SLC8B1: variants seen among roughly 807,000 people sequenced by gnomAD.
SLC8B1 encodes mitochondrial sodium/calcium exchanger protein.
Under a neutral mutation model 63.4 loss-of-function variants are expected in SLC8B1, and 52 were observed. The ratio of observed to expected loss-of-function variants is 0.82; its 90% CI spans 0.66 to 1.03. The LOEUF (loss-of-function observed/expected upper bound fraction) is 1.03, where lower values mean the gene tolerates loss of function less well. Ranked by LOEUF, SLC8B1 falls within the 50% of genes least tolerant of loss-of-function variation. The pLI is 0.00. For missense variants in SLC8B1, 657 were observed against 741.7 expected, an observed-to-expected ratio of 0.89 and a Z score of 1.33; for synonymous variants, 336 against 323.9, an observed-to-expected ratio of 1.04 and a Z score of -0.40.
At chr12:113,329,752 G>C (rs941152094) in intron 2 of SLC8B1, among the ~76,000 whole-genome samples, 16 of 152,176 alleles carry the variant, frequency 1.1e-4, no homozygotes, top group African/African-American at 3.9e-4. Context: ...GGACAGGAAA[G>C]GGTAACCAAC....
rs749226566 is a variant in SLC8B1, at chr12:113,299,903, G to A, written c.1629C>T (p.Val543=). Residue 543 remains valine (V), a synonymous_variant, in exon 16 of 16, where the codon GTC becomes GTT. Coordinates refer to ENST00000680972, the MANE Select transcript of SLC8B1 (RefSeq NM_001358345.2). ...ALGLSLVFSL[V]SVPLQCFQLS... ...GCTGGAAGCACTGCAATGGGACTGA[G>A]ACCAGGGAGAAGACGAGGCTGAGCC... 1.2e-6 allele frequency: 2 copies of A among 1,614,226 alleles called. No homozygotes were observed. Among genetic ancestry groups the A allele is most frequent in the South Asian group, 2.2e-5 (2 of 91,086 alleles).
intron 15 of SLC8B1, among the ~76,000 whole-genome samples, chr12:113,300,876 C>T (rs1023846855): frequency 6.6e-6 from 1 of 152,226 alleles, no homozygotes; most frequent in South Asian, 2.1e-4. Context: ...TGGCTCAGGC[C>T]TGTAATCCCA....
rs774023676 is a variant in SLC8B1, at chr12:113,307,848, C to A, written c.1258-4G>T. On this transcript the variant is annotated splice_polypyrimidine_tract_variant and splice_region_variant and intron_variant, in intron 12 of 15. Transcript: ENST00000680972. ...GAAAGCCCAGGAAAGCAAAGAGCTG[C>A]GGAGGGAATGGTTTGCTGTGGGACC... is the stretch of plus-strand genomic sequence containing the variant. 4 of 1,611,064 alleles carry A rather than the reference C, an allele frequency of 2.5e-6. No homozygotes were observed. Among genetic ancestry groups the A allele is most frequent in the Middle Eastern group, 1.7e-4 (1 of 6,060 alleles).
chr12:113,332,035 C>A (rs1957062455), intron 2 of SLC8B1, among the ~76,000 whole-genome samples: 2 of 152,162 alleles, frequency 1.3e-5, no homozygotes, highest in Admixed American at 1.3e-4. Context: ...CTTGTTCCTG[C>A]TCCAGAATCT....
At chr12:113,317,109 T>A in intron 8 of SLC8B1, 108 bp from the exon 9 acceptor site, 1 of 945,216 alleles carries the variant, frequency 1.1e-6, no homozygotes. Context: ...CTTATTTACT[T>A]AGTTATTTGG....
chr12:113,307,745 G>T lies in SLC8B1; in HGVS notation c.1357C>A (p.Leu453Met). The change falls in exon 13 of 16, where the codon CTG (leucine) becomes ATG (methionine). Residue 453 changes from leucine (L) to methionine (M), a missense_variant. By Grantham distance (15) the Leu-to-Met change is conservative (BLOSUM62 2). Transcript: ENST00000680972. ...ILRSLGVVFRLSNTVLGLTLL... is the reference protein window; with the variant it reads ...ILRSLGVVFRMSNTVLGLTLL... Reference sequence around the variant, plus strand: ...GTGAGCCCCAGCACAGTGTTGCTCAGCCGGAAGACCACACCCAGGGACCGC... The same window carrying T: ...GTGAGCCCCAGCACAGTGTTGCTCATCCGGAAGACCACACCCAGGGACCGC... The T allele has an allele frequency of 6.2e-7, 1 of 1,614,018 alleles. No homozygotes were observed. Among genetic ancestry groups the T allele is most frequent in the Non-Finnish European group, 8.5e-7 (1 of 1,180,032 alleles).
At chr12:113,333,936 T>A (rs966225097) in intron 1 of SLC8B1, among the ~76,000 whole-genome samples, 3 of 152,206 alleles carry the variant, frequency 2.0e-5, no homozygotes, top group Non-Finnish European at 2.9e-5. Context: ...CTGGAACTCC[T>A]AGCCTCAAGT....
At position 113,320,744 on chromosome 12, in the gene SLC8B1, G is replaced by A. The variant is rs936715142; in HGVS notation, c.421-58C>T. ...GCAGCTGCAGCCCACCCAGGCCTTC[G>A]ACCCTATCCCCCAGCTTCCCCACAC... On this transcript the variant is annotated intron_variant, in intron 5 of 15. Transcript: ENST00000680972. This position sits in a 1 kb window ranked among gnomAD's most constrained non-coding sequence, Gnocchi z 5.3. 2.5e-5 allele frequency: 40 copies of A among 1,585,300 alleles called. No individual in the cohort carries two copies. Among genetic ancestry groups the A allele is most frequent in the Middle Eastern group, 3.3e-4 (2 of 6,046 alleles).
intron 15 of SLC8B1, among the ~76,000 whole-genome samples, chr12:113,303,432 T>C (rs1343523243): frequency 6.6e-6 from 1 of 152,070 alleles, no homozygotes; most frequent in Non-Finnish European, 1.5e-5. Context: ...CGGGTGACTT[T>C]ATTCAGCTTC....
chr12:113,307,354 G>A (rs1367984133), intron 13 of SLC8B1, among the ~76,000 whole-genome samples: 1 of 152,068 alleles, frequency 6.6e-6, no homozygotes, highest in East Asian at 1.9e-4. Flanking sequence ...GTGTATGTAT[G>A]TAAGTGTGAA....
At chr12:113,317,055 A>G in intron 8 of SLC8B1, 54 bp from the exon 9 acceptor site, 1 of 1,513,540 alleles carries the variant, frequency 6.6e-7, no homozygotes, top group African/African-American at 1.4e-5. Flanking sequence ...TCGAGGGGGC[A>G]CACTGGGACA....
chr12:113,302,970 G>A (rs1262546368), intron 15 of SLC8B1, among the ~76,000 whole-genome samples: 1 of 151,966 alleles, frequency 6.6e-6, no homozygotes, highest in Non-Finnish European at 1.5e-5. Context: ...AACGGCAGGA[G>A]CGTTTCCTAA....
chr12:113,322,676 G>A (rs1463281986), intron 2 of SLC8B1, among the ~76,000 whole-genome samples: 2 of 152,164 alleles, frequency 1.3e-5, no homozygotes, highest in Non-Finnish European at 2.9e-5. Context: ...CCCGGGTGTG[G>A]TGGCTCACGC....
chr12:113,299,909 G>C lies in SLC8B1; in HGVS notation c.1623C>G (p.Ser541=). 6.2e-7 allele frequency: 1 copy of C among 1,614,214 alleles called. No homozygotes were observed. Among genetic ancestry groups the C allele is most frequent in the Non-Finnish European group, 8.5e-7 (1 of 1,180,048 alleles). Residue 541 remains serine, a synonymous_variant, in exon 16 of 16, where the codon TCC becomes TCG. Coordinates refer to ENST00000680972, the MANE Select transcript of SLC8B1 (RefSeq NM_001358345.2). ...AGALGLSLVF[S]LVSVPLQCFQ... ...AGCACTGCAATGGGACTGAGACCAGGGAGAAGACGAGGCTGAGCCCCAGGG... is the reference window on the plus strand; with the variant it reads ...AGCACTGCAATGGGACTGAGACCAGCGAGAAGACGAGGCTGAGCCCCAGGG...
At chr12:113,311,077 G>A (rs1484900275) in intron 11 of SLC8B1, among the ~76,000 whole-genome samples, 2 of 152,178 alleles carry the variant, frequency 1.3e-5, no homozygotes, top group Middle Eastern at 3.2e-3. Flanking sequence ...CACTTTGGGA[G>A]GCCACAGCGT....
chr12:113,300,438 G>A (rs1434693576), intron 15 of SLC8B1, among the ~76,000 whole-genome samples: 1 of 152,150 alleles, frequency 6.6e-6, no homozygotes, highest in African/African-American at 2.4e-5. Flanking sequence ...AGCCGACATC[G>A]TGCTACTGCA....
chr12:113,326,730 G>A (rs1957001374), intron 2 of SLC8B1, among the ~76,000 whole-genome samples: 1 of 151,384 alleles, frequency 6.6e-6, no homozygotes, highest in South Asian at 2.1e-4. Context: ...AGGCTGGAGT[G>A]CAGAAGCATG....
chr12:113,320,599 C>T lies in SLC8B1; in HGVS notation c.508G>A (p.Ala170Thr), dbSNP rs769519095. 6.2e-7 allele frequency: 1 copy of T among 1,614,078 alleles called. No homozygotes were observed. Among genetic ancestry groups the T allele is most frequent in the Non-Finnish European group, 8.5e-7 (1 of 1,180,020 alleles). The change falls in exon 6 of 16, where the codon GCC becomes ACC. Residue 170 changes from alanine (A) to threonine (T), a missense_variant. Physicochemically the swap from Ala to Thr is moderately conservative, Grantham distance 58. Coordinates refer to ENST00000680972, the MANE Select transcript of SLC8B1 (RefSeq NM_001358345.2). The surrounding 1 kb of genome is among the most constrained non-coding windows in gnomAD (Gnocchi z 5.3). ...AFSDPHTAGL[A>T]LGALFGAGVL... is the part of the protein sequence containing the mutation. ...CTCTCACCAAACAGTGCCCCAAGGG[C>T]CAGGCCGGCTGTGTGCGGGTCAGAG...
At chr12:113,317,196 C>A (rs1249807747) in intron 8 of SLC8B1, among the ~76,000 whole-genome samples, 195 bp from the exon 9 acceptor site, 7 of 152,154 alleles carry the variant, frequency 4.6e-5, no homozygotes, top group Admixed American at 3.3e-4. Flanking sequence ...ACCTCCTGGG[C>A]TCACTCAATC....
Sources: allele counts gnomAD v4.1 joint callset (sites outside exome capture counted in the v4.1 genomes callset), GRCh38; gene constraint gnomAD v4.1.1; non-coding constraint Gnocchi (gnomAD v3.1); transcripts MANE v1.5; gene names NCBI Gene and HGNC (gene_info 2026-07-23, HGNC 2026-07-21).